Variants in C2 observed in about 807,000 individuals in gnomAD.
C2 encodes C3/C5 convertase.
A neutral mutation model predicts 85.2 loss-of-function variants in C2; 64 were observed. The ratio of observed to expected loss-of-function variants is 0.75; its 90% confidence interval spans 0.61 to 0.92. C2 has a LOEUF of 0.92. Ranked by LOEUF, C2 falls within the 40% of genes least tolerant of loss-of-function variation. The probability of loss-of-function intolerance (pLI) is 0.00; values close to 1 mark genes in which losing one functional copy is unlikely to be tolerated. For missense variants in C2, 820 were observed against 971.6 expected, an observed-to-expected ratio of 0.84 and a Z score of 2.07; for synonymous variants, 311 against 370.8, an observed-to-expected ratio of 0.84 and a Z score of 1.85.
rs1310697033 is a variant in C2, at chr6:31,945,329, G to C, written c.2231G>C (p.Gly744Ala). The C allele has an allele frequency of 1.9e-6, 3 of 1,612,950 alleles. No individual in the cohort carries two copies. The highest frequency in any genetic ancestry group is 2.5e-6 in the Non-Finnish European group (3 of 1,180,022). ...CAGCCCTGGCTGAGGCAGCACCTGG[G>C]GGATGTCCTGAATTTTTTACCCCTC... is the stretch of plus-strand genomic sequence containing the variant. ...RMQPWLRQHL[G>A]DVLNFLPL is the part of the protein sequence containing the mutation. Residue 744 changes from glycine to alanine, a missense_variant, in exon 18 of 18, where the codon GGG becomes GCG. Gly to Ala is a moderately conservative substitution (Grantham distance 60, BLOSUM62 0). Coordinates refer to ENST00000299367, the MANE Select transcript of C2 (RefSeq NM_000063.6). This position sits in a 1 kb window ranked among gnomAD's most constrained non-coding sequence, Gnocchi z 5.3.
rs780974763 is a variant in C2 at position 31,936,066 on chromosome 6, G to A, written c.988+5G>A. 9 of 1,612,704 alleles carry A rather than the reference G, an allele frequency of 5.6e-6. No homozygotes were observed. The highest frequency in any genetic ancestry group is 2.2e-5 in the East Asian group (1 of 44,894). The stretch of plus-strand genomic sequence containing the variant: ...TGGAAAATGCCAACTATAAAGGTAC[G>A]GGTGTCATCACGTGATGGTGATGAG... On this transcript the variant is annotated splice_donor_5th_base_variant and intron_variant, in intron 7 of 17. Transcript: ENST00000299367.
In C2 at chr6:31,945,391, A is replaced by G; in HGVS notation, c.*34A>G. 2 of 1,599,448 alleles carry G rather than the reference A, an allele frequency of 1.3e-6. No individual in the cohort carries two copies. The highest frequency in any genetic ancestry group is 8.6e-7 in the Non-Finnish European group (1 of 1,168,998). ...ACTGAGCCCTCTGCTGCCCTGCCAG[A>G]ATCTGCCGCCCCTCCATCTTCTACC... On this transcript the variant is annotated 3_prime_UTR_variant, in exon 18 of 18. Coordinates refer to ENST00000299367, the MANE Select transcript of C2 (RefSeq NM_000063.6). This position sits in a 1 kb window ranked among gnomAD's most constrained non-coding sequence, Gnocchi z 5.3.
At chr6:31,938,526 C>A (rs1158539961) in intron 8 of C2, among the ~76,000 whole-genome samples, 1 of 150,556 alleles carries the variant, frequency 6.6e-6, no homozygotes, top group East Asian at 1.9e-4. Flanking sequence ...GGGTCTCACT[C>A]TATTGCCCAG....
In C2 at chr6:31,929,096, G is replaced by A. The variant is rs183160860; in HGVS notation, c.442+179G>A. Among the ~76,000 whole-genome samples, 151 of 152,280 alleles carry A rather than the reference G, an allele frequency of 9.9e-4. 1 individual carries two copies. The highest frequency in any genetic ancestry group is 2.4e-4 in the Non-Finnish European group (16 of 68,022). On this transcript the variant is annotated intron_variant, in intron 3 of 17. Transcript: ENST00000299367. ...AGGTCACACATCACAAGTCTGCAAG[G>A]GCCAGGCCCCAGGCAGCTGGTGCTA...
intron 1 of C2, among the ~76,000 whole-genome samples, chr6:31,903,004 C>T (rs910170835): frequency 2.0e-5 from 3 of 152,170 alleles, no homozygotes; most frequent in African/African-American, 4.8e-5. Context: ...CAACACTGCG[C>T]CCGGGCCTTC....
chr6:31,928,542 C>T (rs1769451462), intron 2 of C2, among the ~76,000 whole-genome samples, 190 bp from the exon 3 acceptor site: 1 of 152,126 alleles, frequency 6.6e-6, no homozygotes, highest in African/African-American at 2.4e-5. Flanking sequence ...TTCGCTTAGA[C>T]TCTGTGAAAT....
At chr6:31,915,263 T>G (rs1768425250), upstream of C2, among the ~76,000 whole-genome samples, 1 of 152,216 alleles carries the variant, frequency 6.6e-6, no homozygotes, top group Non-Finnish European at 1.5e-5. Flanking sequence ...CCTTCCTCCC[T>G]GGTCTAGTGT....
chr6:31,930,807 A>G (rs541701053), intron 3 of C2, among the ~76,000 whole-genome samples: 1 of 152,358 alleles, frequency 6.6e-6, no homozygotes, highest in African/African-American at 2.4e-5. Context: ...GTGATAAGTA[A>G]TGCTTGAATT....
rs1311454935 is a variant in C2, at chr6:31,904,192, A to C, written c.73+3053A>C. Among the ~76,000 whole-genome samples the C allele has an allele frequency of 6.6e-6, 1 of 152,076 alleles. No homozygotes were observed. Among genetic ancestry groups the C allele is most frequent in the Non-Finnish European group, 1.5e-5 (1 of 68,036 alleles). On this transcript the variant is annotated intron_variant, in intron 1 of 3. Coordinates refer to the C2 transcript ENST00000452202. The surrounding 1 kb of genome is among the most constrained non-coding windows in gnomAD (Gnocchi z 4.4). Reference sequence around the variant, plus strand: ...GAAGGCCCTGATCTCTCACAGGGCTAATGTGAGGTTTAAATGAGCCTGGCA... The same window carrying C: ...GAAGGCCCTGATCTCTCACAGGGCTCATGTGAGGTTTAAATGAGCCTGGCA...
At position 31,928,783 on chromosome 6, in the gene C2, G is replaced by A. The variant is rs138564762; in HGVS notation, c.308G>A (p.Arg103Gln). The change falls in exon 3 of 18, where the codon CGG becomes CAG. Residue 103 changes from arginine to glutamine, a missense_variant. Transcript: ENST00000299367. ...VSFENGIYTP[R>Q]LGSYPVGGNV... ...TTTGAGAATGGCATTTATACCCCAC[G>A]GCTGGGGTCCTATCCCGTGGGTGGC... 8 of 1,614,176 alleles carry A rather than the reference G, an allele frequency of 5.0e-6. No individual in the cohort carries two copies. Among genetic ancestry groups the A allele is most frequent in the African/African-American group, 1.3e-5 (1 of 75,056 alleles).
chr6:31,932,843 C>T lies in C2; in HGVS notation c.443-767C>T, dbSNP rs559422510. Among the ~76,000 whole-genome samples the T allele has an allele frequency of 2.6e-4, 40 of 152,388 alleles. 1 individual carries two copies. The South Asian group carries it at 7.5e-3, about 28-fold the overall frequency. ...TGGGCATCATTGAGCACTGAGTGAA[C>T]GAGACTCCGTCTGCAATCCCAGCAC... On this transcript the variant is annotated intron_variant, in intron 3 of 17. Transcript: ENST00000299367.
chr6:31,908,136 G>A (rs1767848436), intron 1 of C2, among the ~76,000 whole-genome samples: 2 of 149,416 alleles, frequency 1.3e-5, no homozygotes, highest in South Asian at 4.2e-4. Context: ...ATGAGCCGCA[G>A]CACCCGGCCA....
At chr6:31,938,975 T>A (rs560642577) in intron 8 of C2, among the ~76,000 whole-genome samples, 13 of 151,408 alleles carry the variant, frequency 8.6e-5, no homozygotes, top group Admixed American at 8.5e-4. Flanking sequence ...TTTTTTGTGG[T>A]TTTAGTAGAG....
upstream of C2, chr6:31,898,045 G>A (rs1221556845): frequency 9.0e-6 from 3 of 331,834 alleles, no homozygotes; most frequent in African/African-American, 2.2e-5. Flanking sequence ...TGCCTTTCTA[G>A]TTTTTGGGTT....
At chr6:31,930,371 G>A (rs1364070347) in intron 3 of C2, among the ~76,000 whole-genome samples, 3 of 152,054 alleles carry the variant, frequency 2.0e-5, no homozygotes, top group Non-Finnish European at 4.4e-5. Context: ...CGTGAGCCAC[G>A]GCATCCGGCC....
chr6:31,908,198 C>T (rs971576716), intron 1 of C2, among the ~76,000 whole-genome samples: 1 of 150,346 alleles, frequency 6.7e-6, no homozygotes, highest in Non-Finnish European at 1.5e-5. Flanking sequence ...TCCCGTGTTG[C>T]CCAGTCATTG....
rs776265184 is a variant in C2 at position 31,943,488 on chromosome 6, C to T, written c.1528C>T (p.Arg510Cys). 10 of 1,612,920 alleles carry T rather than the reference C, an allele frequency of 6.2e-6. 1 individual carries two copies. In the East Asian group the frequency reaches 8.9e-5, roughly 14 times the overall value. ...QWVLTAAHCF[R>C]DGNDHSLWRV... is the part of the protein sequence containing the mutation. Reference sequence around the variant, plus strand: ...GGTCCTGACAGCAGCTCATTGCTTCCGCGATGGCAACGACCACTCCCTGTG... The same window carrying T: ...GGTCCTGACAGCAGCTCATTGCTTCTGCGATGGCAACGACCACTCCCTGTG... The change falls in exon 12 of 18, where the codon CGC becomes TGC. Residue 510 changes from arginine to cysteine, a missense_variant. Transcript: ENST00000299367. The surrounding 1 kb of genome is among the most constrained non-coding windows in gnomAD (Gnocchi z 6.4).
intron 3 of C2, 21 bp from the exon 4 acceptor site, chr6:31,933,589 C>T (rs781311619): frequency 1.2e-5 from 19 of 1,612,490 alleles, no homozygotes; most frequent in Admixed American, 3.3e-5. Flanking sequence ...CTCACCTCTG[C>T]CTTCCTTTGT....
rs538032432 is a variant in C2, at chr6:31,927,814, G to A, written c.46+16G>A. ...CTGTACCCAGGTAGGAGGCAGGGAAGGGGGAACGTCAGGGTCCTGTGTGTG... is the reference window on the plus strand; with the variant it reads ...CTGTACCCAGGTAGGAGGCAGGGAAAGGGGAACGTCAGGGTCCTGTGTGTG... On this transcript the variant is annotated intron_variant, in intron 1 of 17. Coordinates refer to ENST00000299367, the MANE Select transcript of C2 (RefSeq NM_000063.6). This position sits in a 1 kb window ranked among gnomAD's most constrained non-coding sequence, Gnocchi z 4.7. 673 of 1,613,116 alleles carry A rather than the reference G, an allele frequency of 4.2e-4. 7 individuals carry two copies. The highest frequency in any genetic ancestry group is 1.4e-4 in the Non-Finnish European group (162 of 1,179,102).
Sources: allele counts gnomAD v4.1 joint callset (sites outside exome capture counted in the v4.1 genomes callset), GRCh38; gene constraint gnomAD v4.1.1; non-coding constraint Gnocchi (gnomAD v3.1); transcripts MANE v1.5; gene names NCBI Gene and HGNC (gene_info 2026-07-23, HGNC 2026-07-21).